The following TCF12 variants were observed in gnomAD, a reference collection of about 807,000 sequenced individuals.
The protein encoded by TCF12 is transcription factor 12.
In TCF12, 45 loss-of-function variants were observed where a neutral mutation model predicts 86.0. The ratio of observed to expected loss-of-function variants is 0.52; its 90% confidence interval spans 0.41 to 0.67. The LOEUF is 0.67. Ranked by LOEUF, TCF12 falls within the 30% of genes least tolerant of loss-of-function variation. The pLI, the probability that TCF12 is intolerant of heterozygous loss-of-function variation, is 0.00. For missense variants in TCF12, 881 were observed against 859.9 expected (o/e 1.02, Z -0.31); for synonymous variants, 330 against 299.6 (o/e 1.10, Z -1.05).
At chr15:56,956,799 AT>A (rs1444043580) in intron 3 of TCF12, among the ~76,000 whole-genome samples, 9 of 149,360 alleles carry the variant, frequency 6.0e-5, no homozygotes, top group African/African-American at 9.8e-5. Flanking sequence ...TGCTTTTAAG[AT>A]TTTTTTTTTA....
chr15:57,099,798 A>G (rs2049595369), intron 5 of TCF12, among the ~76,000 whole-genome samples: 1 of 151,968 alleles, frequency 6.6e-6, no homozygotes, highest in Non-Finnish European at 1.5e-5. Context: ...TGGGATATTC[A>G]ACAGAAGATT....
chr15:57,016,060 C>T (rs1473631064), intron 3 of TCF12, among the ~76,000 whole-genome samples: 1 of 152,042 alleles, frequency 6.6e-6, no homozygotes, highest in Non-Finnish European at 1.5e-5. Flanking sequence ...GGGGAATTTC[C>T]TGGAGGGGCT....
chr15:56,988,442 T>G (rs906683056), intron 3 of TCF12, among the ~76,000 whole-genome samples: 3 of 152,202 alleles, frequency 2.0e-5, no homozygotes, highest in Admixed American at 1.3e-4. Flanking sequence ...GTTGTAATCT[T>G]ATGGGACCTG....
At chr15:56,919,823 C>T in intron 1 of TCF12, 69 bp from the exon 2 acceptor site, 5 of 1,402,682 alleles carry the variant, frequency 3.6e-6, no homozygotes, top group East Asian at 4.6e-5. Flanking sequence ...TTCCCCAGTA[C>T]CTCTCTCTGT....
intron 18 of TCF12, among the ~76,000 whole-genome samples, chr15:57,270,768 G>T (rs2061099583): frequency 1.3e-5 from 2 of 152,116 alleles, no homozygotes; most frequent in Non-Finnish European, 2.9e-5. Context: ...CCTTTTTGTT[G>T]ATGTTGATGC....
At chr15:57,003,849 T>C (rs2064191349) in intron 3 of TCF12, among the ~76,000 whole-genome samples, 1 of 152,242 alleles carries the variant, frequency 6.6e-6, no homozygotes, top group African/African-American at 2.4e-5. Context: ...ATTTATTTCC[T>C]TTGCTTTCAC....
At chr15:57,258,419 CCTTT>C (rs1193970554) in intron 16 of TCF12, among the ~76,000 whole-genome samples, 70 of 152,276 alleles carry the variant, frequency 4.6e-4, no homozygotes, top group African/African-American at 1.6e-3. Context: ...CATCAAAACA[CCTTT>C]CTCTTTAATG....
chr15:57,235,093 G>A (rs1027554524), intron 12 of TCF12, among the ~76,000 whole-genome samples: 6 of 152,152 alleles, frequency 3.9e-5, no homozygotes, highest in African/African-American at 1.4e-4. Context: ...GGAAAATGAA[G>A]CCAAGTCAGA....
intron 8 of TCF12, among the ~76,000 whole-genome samples, chr15:57,213,446 C>A (rs1348148433): frequency 1.3e-5 from 2 of 152,140 alleles, no homozygotes; most frequent in Non-Finnish European, 2.9e-5. Flanking sequence ...TAAAAAATTA[C>A]TACCACTAGC....
At chr15:57,119,703 G>T (rs1166390951) in intron 5 of TCF12, among the ~76,000 whole-genome samples, 2 of 151,966 alleles carry the variant, frequency 1.3e-5, no homozygotes, top group Non-Finnish European at 2.9e-5. Context: ...TTAAAGGAAT[G>T]GGCAGTGGAA....
At chr15:57,267,818 G>T (rs954204000) in intron 18 of TCF12, among the ~76,000 whole-genome samples, 3 of 152,154 alleles carry the variant, frequency 2.0e-5, no homozygotes, top group Non-Finnish European at 4.4e-5. Flanking sequence ...TTGAATTGTG[G>T]TTCCATTACA....
intron 3 of TCF12, among the ~76,000 whole-genome samples, chr15:56,924,637 A>G (rs1567110862): frequency 6.6e-6 from 1 of 152,202 alleles, no homozygotes; most frequent in Non-Finnish European, 1.5e-5. Flanking sequence ...GTAAATACAT[A>G]CTTGTTAATA....
intron 3 of TCF12, among the ~76,000 whole-genome samples, chr15:56,957,904 A>C (rs2061565752): frequency 6.6e-6 from 1 of 152,200 alleles, no homozygotes; most frequent in Non-Finnish European, 1.5e-5. Context: ...AGTCTGGAGC[A>C]GTGCTCAGTC....
At chr15:56,930,208 C>A (rs1274695157) in intron 3 of TCF12, among the ~76,000 whole-genome samples, 1 of 152,174 alleles carries the variant, frequency 6.6e-6, no homozygotes, top group African/African-American at 2.4e-5. Context: ...TTACAGTCAT[C>A]CAGCTTCTTG....
intron 3 of TCF12, among the ~76,000 whole-genome samples, chr15:56,965,342 G>C (rs1175094807): frequency 6.6e-6 from 1 of 151,966 alleles, no homozygotes; most frequent in African/African-American, 2.4e-5. Context: ...AGAAAATATT[G>C]AAACAGTAAC....
chr15:57,163,134 A>G (rs2046519225), intron 5 of TCF12, among the ~76,000 whole-genome samples: 1 of 152,030 alleles, frequency 6.6e-6, no homozygotes, highest in South Asian at 2.1e-4. Context: ...AGACCATGCC[A>G]TTGCACTCCA....
At chr15:57,257,725 C>G (rs1334434734) in intron 16 of TCF12, among the ~76,000 whole-genome samples, 5 of 149,674 alleles carry the variant, frequency 3.3e-5, no homozygotes, top group Non-Finnish European at 3.0e-5. Flanking sequence ...AGGTCAGCTC[C>G]CAGCCTGCAG....
intron 5 of TCF12, among the ~76,000 whole-genome samples, chr15:57,130,182 G>C (rs147135257): frequency 1.2e-4 from 19 of 152,216 alleles, no homozygotes; most frequent in Admixed American, 6.5e-4. Flanking sequence ...CAGATGAAAG[G>C]CTCAATTTTG....
intron 8 of TCF12, among the ~76,000 whole-genome samples, chr15:57,198,057 C>T (rs925085115): frequency 6.6e-6 from 1 of 152,170 alleles, no homozygotes; most frequent in Non-Finnish European, 1.5e-5. Context: ...TTGTCCCTGT[C>T]ATTTGAATTC....
Sources: allele counts gnomAD v4.1 joint callset (sites outside exome capture counted in the v4.1 genomes callset), GRCh38; gene constraint gnomAD v4.1.1; transcripts MANE v1.5; gene names NCBI Gene and HGNC (gene_info 2026-07-23, HGNC 2026-07-21).